CACNA2D4: variants seen among roughly 807,000 people sequenced by gnomAD.
The protein encoded by CACNA2D4 is calcium voltage-gated channel auxiliary subunit alpha2delta 4.
A neutral mutation model predicts 163.8 loss-of-function variants in CACNA2D4; 157 were observed. That is an observed-to-expected ratio of 0.96 (90% confidence interval 0.84 to 1.09). The LOEUF (loss-of-function observed/expected upper bound fraction) is 1.09, where lower values mean the gene tolerates loss of function less well. CACNA2D4 is among the 50% of genes least tolerant of loss of function. CACNA2D4 has a pLI of 0.00. For missense variants in CACNA2D4, 1,410 were observed against 1,479.9 expected (o/e 0.95, Z 0.78); for synonymous variants, 598 against 586.9 (o/e 1.02, Z -0.27).
chr12:1,908,100 A>T, intron 4 of CACNA2D4, 63 bp from the exon 5 acceptor site: 1 of 1,524,092 alleles, frequency 6.6e-7, no homozygotes, highest in Non-Finnish European at 9.0e-7. Context: ...GAGAGAGAGG[A>T]AGAGAAACGG....
At chr12:1,805,315 C>G (rs560453623) in intron 29 of CACNA2D4, among the ~76,000 whole-genome samples, 2 of 152,214 alleles carry the variant, frequency 1.3e-5, no homozygotes, top group South Asian at 2.1e-4. Flanking sequence ...GGTAGTCCCT[C>G]CCAGGCCTGG....
intron 31 of CACNA2D4, 108 bp from the exon 32 acceptor site, chr12:1,800,546 C>A: frequency 2.7e-6 from 3 of 1,110,358 alleles, no homozygotes; most frequent in South Asian, 1.3e-5. Flanking sequence ...GGCTGCCCTG[C>A]CACTGGGAGC....
chr12:1,899,324 T>C (rs926846072), intron 6 of CACNA2D4, among the ~76,000 whole-genome samples: 13 of 151,706 alleles, frequency 8.6e-5, no homozygotes, highest in African/African-American at 2.2e-4. Flanking sequence ...AGAGCTAAGA[T>C]AGATGAAATA....
chr12:1,795,721 G>A lies in CACNA2D4; in HGVS notation c.3173C>T (p.Thr1058Ile). The change falls in exon 36 of 38, where the codon ACC (threonine) becomes ATC (isoleucine). Residue 1058 changes from threonine (T) to isoleucine (I), a missense_variant. Physicochemically the swap from Thr to Ile is moderately conservative, Grantham distance 89. Transcript: ENST00000382722. ...TGGTGGGAAGATGCTGCAGTCACAG[G>A]TGGGGTCTGTCACCAGGAGGAGGAG... ...SNLLLLVTDP[T>I]CDCSIFPPVL... is the part of the protein sequence containing the mutation. The A allele has an allele frequency of 6.2e-7, 1 of 1,613,770 alleles. No individual in the cohort carries two copies. Among genetic ancestry groups the A allele is most frequent in the Non-Finnish European group, 8.5e-7 (1 of 1,179,734 alleles).
At chr12:1,884,117 C>T in intron 12 of CACNA2D4, 126 bp downstream of exon 12, 2 of 724,648 alleles carry the variant, frequency 2.8e-6, no homozygotes, top group Non-Finnish European at 2.3e-6. Flanking sequence ...GGCTGCTGTT[C>T]TTGACATAGC....
At chr12:1,895,332 T>G (rs1866377484) in intron 6 of CACNA2D4, among the ~76,000 whole-genome samples, 1 of 151,976 alleles carries the variant, frequency 6.6e-6, no homozygotes, top group African/African-American at 2.4e-5. Flanking sequence ...GCAATGATTA[T>G]CAAAATACCA....
intron 28 of CACNA2D4, 74 bp from the exon 29 acceptor site, chr12:1,810,414 C>T (rs1466408814): frequency 6.5e-7 from 1 of 1,548,880 alleles, no homozygotes; most frequent in Non-Finnish European, 8.9e-7. Context: ...TCCCCCAGCT[C>T]TGGAAGGCAG....
At chr12:1,910,849 G>A (rs2470414) in intron 3 of CACNA2D4, among the ~76,000 whole-genome samples, 83,998 of 151,912 alleles carry the variant, frequency 0.55, 24,009 homozygotes, top group Non-Finnish European at 0.63. Context: ...CTAAGAGGAA[G>A]GGGATAGGGG....
intron 6 of CACNA2D4, among the ~76,000 whole-genome samples, chr12:1,895,375 T>G (rs1866378265): frequency 6.6e-6 from 1 of 151,434 alleles, no homozygotes; most frequent in African/African-American, 2.4e-5. Flanking sequence ...AAAAAAATCA[T>G]AAAATTCATA....
chr12:1,913,605 C>T (rs1030306124), intron 2 of CACNA2D4, among the ~76,000 whole-genome samples: 1 of 152,234 alleles, frequency 6.6e-6, no homozygotes, highest in African/African-American at 2.4e-5. Flanking sequence ...TGCCCCCGTG[C>T]ACATGGATGT....
In CACNA2D4 at chr12:1,917,298, G is replaced by A. The variant is rs1164114718; in HGVS notation, c.227+949C>T. Among the ~76,000 whole-genome samples, 12 of 152,224 alleles carry A rather than the reference G, an allele frequency of 7.9e-5. No individual in the cohort carries two copies. The highest frequency in any genetic ancestry group is 1.8e-4 in the Non-Finnish European group (12 of 68,040). Reference sequence around the variant, plus strand: ...AGCGCCCAGCTCCGTGCCAGGCAGGGAACAAGGAGAGCTATGCGGCTCGAT... The same window carrying A: ...AGCGCCCAGCTCCGTGCCAGGCAGGAAACAAGGAGAGCTATGCGGCTCGAT... On this transcript the variant is annotated intron_variant, in intron 1 of 37. Transcript: ENST00000382722. This position sits in a 1 kb window ranked among gnomAD's most constrained non-coding sequence, Gnocchi z 4.3.
Position 1,883,965 on chromosome 12 carries a change from GA to G in CACNA2D4, c.1351+277del, listed in dbSNP as rs1866070378. The G allele has an allele frequency of 2.1e-6, 1 of 470,112 alleles. No homozygotes were observed. The highest frequency in any genetic ancestry group is 1.9e-5 in the African/African-American group (1 of 52,222). The allele number at this position is 470,112 out of a possible 1,614,324, so 29.1% of individuals were successfully genotyped here. On this transcript the variant is annotated intron_variant, in intron 12 of 37. Transcript: ENST00000382722. This position sits in a 1 kb window ranked among gnomAD's most constrained non-coding sequence, Gnocchi z 4.5. ...TTCACACACAAAACATTATTCCAGA[GA>G]AAACAGTGACCCTCTGCTTTTTGTC...
rs7957635 is a variant in CACNA2D4, at chr12:1,875,990, G to A, written c.1720-653C>T. 0.2 allele frequency among the ~76,000 whole-genome samples: 30,950 copies of A among 152,092 alleles called. 5,061 individuals are homozygous for A. Among genetic ancestry groups the A allele is most frequent in the African/African-American group, 0.46 (18,885 of 41,438 alleles). The stretch of plus-strand genomic sequence containing the variant: ...GGTTCTGCTGTTTTCCTGGCCAGCC[G>A]CACTGACCTGGCAGTTCAGGCGGAG... On this transcript the variant is annotated intron_variant, in intron 16 of 37. Transcript: ENST00000382722. This position sits in a 1 kb window ranked among gnomAD's most constrained non-coding sequence, Gnocchi z 4.0.
At chr12:1,863,226 A>C (rs1817889997) in intron 18 of CACNA2D4, among the ~76,000 whole-genome samples, 1 of 152,190 alleles carries the variant, frequency 6.6e-6, no homozygotes, top group Non-Finnish European at 1.5e-5. Flanking sequence ...TGATTGAAAA[A>C]TCAATTGATA....
At chr12:1,847,638 C>A (rs761209425) in intron 23 of CACNA2D4, among the ~76,000 whole-genome samples, 1 of 152,198 alleles carries the variant, frequency 6.6e-6, no homozygotes, top group Non-Finnish European at 1.5e-5. Context: ...TCTCTGGGGA[C>A]AGGGCCTAAG....
chr12:1,817,982 C>G (rs1275748520), intron 26 of CACNA2D4, among the ~76,000 whole-genome samples: 1 of 151,568 alleles, frequency 6.6e-6, no homozygotes, highest in East Asian at 1.9e-4. Context: ...GTCTGGCTGC[C>G]CAGTCTGGGA....
At chr12:1,870,408 A>T (rs1368574594) in intron 18 of CACNA2D4, among the ~76,000 whole-genome samples, 1 of 151,744 alleles carries the variant, frequency 6.6e-6, no homozygotes, top group Non-Finnish European at 1.5e-5. Flanking sequence ...CCTCATTTCC[A>T]GACACTCTGG....
Position 1,844,852 on chromosome 12 carries a change from G to A in CACNA2D4, c.2343-323C>T, listed in dbSNP as rs928886365. ...TTCTTCTTGTCTGGCTCGTTGGCAC[G>A]TCTGAGGGAGGAAGCTGTAGTCAGC... On this transcript the variant is annotated intron_variant, in intron 24 of 37. Coordinates refer to ENST00000382722, the MANE Select transcript of CACNA2D4 (RefSeq NM_172364.5). This position sits in a 1 kb window ranked among gnomAD's most constrained non-coding sequence, Gnocchi z 4.2. 2.0e-4 allele frequency among the ~76,000 whole-genome samples: 30 copies of A among 152,146 alleles called. No individual in the cohort carries two copies. The highest frequency in any genetic ancestry group is 2.9e-4 in the Non-Finnish European group (20 of 68,034).
At chr12:1,825,671 T>C (rs1332006857) in intron 26 of CACNA2D4, among the ~76,000 whole-genome samples, 1 of 152,170 alleles carries the variant, frequency 6.6e-6, no homozygotes, top group Non-Finnish European at 1.5e-5. Flanking sequence ...TGTGGGTGTG[T>C]GTTTGCATCA....
Sources: allele counts gnomAD v4.1 joint callset (sites outside exome capture counted in the v4.1 genomes callset), GRCh38; gene constraint gnomAD v4.1.1; non-coding constraint Gnocchi (gnomAD v3.1); transcripts MANE v1.5; gene names NCBI Gene and HGNC (gene_info 2026-07-23, HGNC 2026-07-21).